AP3B1: variants seen among roughly 807,000 people sequenced by gnomAD.
The protein encoded by AP3B1 is adaptor related protein complex 3 subunit beta 1.
AP3B1 carries 61 observed loss-of-function variants against 132.5 expected under a neutral mutation model. That is an observed-to-expected ratio of 0.46 (90% CI 0.37 to 0.57). The LOEUF is 0.57. Among genes scored for constraint, AP3B1 ranks in the 20% least tolerant of loss-of-function variants. AP3B1 has a pLI of 0.00. For missense variants in AP3B1, 1,120 were observed against 1,289.4 expected (o/e 0.87, Z 2.01); for synonymous variants, 388 against 438.3 (o/e 0.89, Z 1.43).
At chr5:78,279,835 T>G (rs1748964599) in intron 1 of AP3B1, among the ~76,000 whole-genome samples, 1 of 144,454 alleles carries the variant, frequency 6.9e-6, no homozygotes, top group African/African-American at 2.6e-5. Context: ...GGTGTGTATA[T>G]ATATATAGGA....
At chr5:78,174,814 T>C (rs187694355) in intron 11 of AP3B1, among the ~76,000 whole-genome samples, 81 of 152,376 alleles carry the variant, frequency 5.3e-4, no homozygotes, top group African/African-American at 1.9e-3. Flanking sequence ...TGTTCAGCTA[T>C]GCCTTGCCCA....
chr5:78,195,959 G>A (rs74871301), intron 7 of AP3B1, among the ~76,000 whole-genome samples: 6,231 of 152,246 alleles, frequency 0.041, 193 homozygotes, highest in East Asian at 0.13. Context: ...GAATCTAGAT[G>A]ACCTTGGGTA....
intron 22 of AP3B1, among the ~76,000 whole-genome samples, chr5:78,076,979 G>A (rs1053571259): frequency 2.0e-5 from 3 of 152,090 alleles, no homozygotes; most frequent in African/African-American, 7.2e-5. Flanking sequence ...AGTTGTTCTA[G>A]AAAATTACTG....
At chr5:78,109,801 C>G (rs189743154) in intron 20 of AP3B1, among the ~76,000 whole-genome samples, 1 of 152,242 alleles carries the variant, frequency 6.6e-6, no homozygotes, top group East Asian at 1.9e-4. Context: ...TTCTTACTAA[C>G]TAAAGAATGT....
intron 17 of AP3B1, among the ~76,000 whole-genome samples, chr5:78,123,278 G>C (rs981581098): frequency 6.6e-6 from 1 of 152,152 alleles, no homozygotes. Flanking sequence ...ATTCAGGACA[G>C]AGGCATGGGC....
chr5:78,016,672 A>C (rs1254085359), intron 25 of AP3B1, among the ~76,000 whole-genome samples: 1 of 152,120 alleles, frequency 6.6e-6, no homozygotes, highest in Non-Finnish European at 1.5e-5. Context: ...CAGTATGAAA[A>C]CACTAAAGCC....
intron 15 of AP3B1, among the ~76,000 whole-genome samples, chr5:78,132,571 A>T (rs946765863): frequency 4.6e-5 from 7 of 152,352 alleles, no homozygotes; most frequent in African/African-American, 1.4e-4. Context: ...AAAGTAAAAA[A>T]CTAATTTTCA....
At chr5:78,234,384 T>G (rs1008457749) in intron 3 of AP3B1, among the ~76,000 whole-genome samples, 5 of 152,206 alleles carry the variant, frequency 3.3e-5, no homozygotes, top group Middle Eastern at 3.2e-3. Flanking sequence ...AGATTATATT[T>G]AAGTGTAAAT....
intron 3 of AP3B1, among the ~76,000 whole-genome samples, chr5:78,238,083 G>C (rs546788830): frequency 4.1e-4 from 63 of 152,314 alleles, no homozygotes; most frequent in African/African-American, 1.5e-3. Flanking sequence ...GCAAGCAAGT[G>C]AAGCTTCATC....
At chr5:78,245,378 T>G (rs540399872) in intron 2 of AP3B1, among the ~76,000 whole-genome samples, 12 of 152,352 alleles carry the variant, frequency 7.9e-5, no homozygotes, top group Admixed American at 6.5e-5. Context: ...CCTGTTCACA[T>G]TCCAGTGTTT....
intron 7 of AP3B1, among the ~76,000 whole-genome samples, chr5:78,188,644 A>G (rs1744702044): frequency 6.6e-6 from 1 of 152,208 alleles, no homozygotes; most frequent in Non-Finnish European, 1.5e-5. Context: ...ATAAATTAGT[A>G]CAATCATTGT....
chr5:78,245,918 A>G (rs115516234), intron 2 of AP3B1, among the ~76,000 whole-genome samples: 1,580 of 152,274 alleles, frequency 0.01, 18 homozygotes, highest in Non-Finnish European at 0.015. Flanking sequence ...TTTGAAGGTG[A>G]CTCTCTAGAT....
At chr5:78,049,220 T>C (rs1748473948) in intron 22 of AP3B1, among the ~76,000 whole-genome samples, 2 of 152,186 alleles carry the variant, frequency 1.3e-5, no homozygotes, top group Admixed American at 6.5e-5. Flanking sequence ...CCTTTCTTTG[T>C]CCTCTGACCC....
At chr5:78,261,967 C>T (rs1181679904) in intron 2 of AP3B1, among the ~76,000 whole-genome samples, 2 of 151,794 alleles carry the variant, frequency 1.3e-5, no homozygotes, top group Non-Finnish European at 1.5e-5. Context: ...GTAGAGACCA[C>T]CGTGTTGGCC....
chr5:78,201,452 T>A (rs1454482371), intron 7 of AP3B1, among the ~76,000 whole-genome samples: 3 of 152,204 alleles, frequency 2.0e-5, no homozygotes, highest in Non-Finnish European at 4.4e-5. Flanking sequence ...AATAGACTAT[T>A]ATTCAGCAAA....
chr5:78,237,106 C>T (rs1280752044), intron 3 of AP3B1, among the ~76,000 whole-genome samples: 2 of 152,168 alleles, frequency 1.3e-5, no homozygotes, highest in African/African-American at 4.8e-5. Context: ...TTGATTTTGG[C>T]TTATCCAACT....
At chr5:78,022,474 T>C (rs1747145074) in intron 24 of AP3B1, among the ~76,000 whole-genome samples, 2 of 152,214 alleles carry the variant, frequency 1.3e-5, no homozygotes, top group Admixed American at 6.6e-5. Flanking sequence ...GTATCATATA[T>C]AGTATGACCA....
intron 22 of AP3B1, among the ~76,000 whole-genome samples, chr5:78,039,777 C>CAAAAA (rs1253462843): frequency 2.2e-4 from 15 of 68,858 alleles, no homozygotes; most frequent in East Asian, 4.5e-4. Context: ...GACTCCGTCT[C>CAAAAA]AAAAAAAAAA....
chr5:78,245,048 C>A (rs1747319326), intron 2 of AP3B1, among the ~76,000 whole-genome samples: 1 of 151,694 alleles, frequency 6.6e-6, no homozygotes, highest in Non-Finnish European at 1.5e-5. Context: ...TCAAAACCAC[C>A]CATAGGGTAC....
Sources: allele counts gnomAD v4.1 joint callset (sites outside exome capture counted in the v4.1 genomes callset), GRCh38; gene constraint gnomAD v4.1.1; transcripts MANE v1.5; gene names NCBI Gene and HGNC (gene_info 2026-07-23, HGNC 2026-07-21).